CLCN3: variants seen among roughly 807,000 people sequenced by gnomAD.
CLCN3 encodes H(+)/Cl(-) exchange transporter 3.
Under a neutral mutation model 83.4 loss-of-function variants are expected in CLCN3, and 16 were observed. The observed-to-expected ratio is 0.19, with a 90% CI of 0.13 to 0.29. CLCN3 has a LOEUF of 0.29. Ranked by LOEUF, CLCN3 falls within the 10% of genes least tolerant of loss-of-function variation. The pLI is 1.00. For missense variants in CLCN3, 544 were observed against 1,006.0 expected (o/e 0.54, Z 6.21); for synonymous variants, 322 against 346.2 (o/e 0.93, Z 0.78).
intron 12 of CLCN3, among the ~76,000 whole-genome samples, chr4:169,716,001 G>A (rs943389496): frequency 1.3e-5 from 2 of 152,096 alleles, no homozygotes; most frequent in African/African-American, 4.8e-5. Context: ...CTATTTTTGG[G>A]TTGCAGGGAA....
At chr4:169,655,229 A>G (rs1203415111) in intron 2 of CLCN3, among the ~76,000 whole-genome samples, 1 of 152,180 alleles carries the variant, frequency 6.6e-6, no homozygotes, top group Non-Finnish European at 1.5e-5. Flanking sequence ...CTTGAACTGT[A>G]TAGTTGAACT....
At position 169,692,298 on chromosome 4, in the gene CLCN3, C is replaced by T; in HGVS notation, c.914C>T (p.Thr305Ile). 3 of 1,607,002 alleles carry T rather than the reference C, an allele frequency of 1.9e-6. No homozygotes were observed. The highest frequency in any genetic ancestry group is 2.6e-6 in the Non-Finnish European group (3 of 1,174,850). Reference sequence around the variant, plus strand: ...TCCTACCTCTTTCCAAAGTATAGCACAAACGAAGCTAAAAAAAGGGAGGTA... The same window carrying T: ...TCCTACCTCTTTCCAAAGTATAGCATAAACGAAGCTAAAAAAAGGGAGGTA... ...IFSYLFPKYS[T>I]NEAKKREVLS... The change falls in exon 7 of 13, where the codon ACA (threonine) becomes ATA (isoleucine). Residue 305 changes from threonine (T) to isoleucine (I), a missense_variant. Physicochemically the swap from Thr to Ile is moderately conservative, Grantham distance 89. Transcript: ENST00000513761.
At chr4:169,666,742 G>A (rs1230578473) in intron 2 of CLCN3, among the ~76,000 whole-genome samples, 1 of 152,220 alleles carries the variant, frequency 6.6e-6, no homozygotes, top group African/African-American at 2.4e-5. Flanking sequence ...GAATCAAAGT[G>A]CTAGAGTTTG....
intron 1 of CLCN3, among the ~76,000 whole-genome samples, chr4:169,629,561 G>T (rs868633556): frequency 1.4e-4 from 21 of 152,102 alleles, no homozygotes; most frequent in African/African-American, 5.1e-4. Flanking sequence ...AGTAGAGACG[G>T]GGTTTCACCA....
chr4:169,678,161 A>AT (rs752501681), intron 2 of CLCN3, among the ~76,000 whole-genome samples: 43 of 152,350 alleles, frequency 2.8e-4, no homozygotes, highest in Non-Finnish European at 5.4e-4. Context: ...ATTTTACCAG[A>AT]TAAAAATTAC....
At chr4:169,689,543 A>T (rs569960856) in intron 5 of CLCN3, among the ~76,000 whole-genome samples, 1 of 152,366 alleles carries the variant, frequency 6.6e-6, no homozygotes, top group Non-Finnish European at 1.5e-5. Flanking sequence ...ATTAAAACTA[A>T]TATATTACTA....
At position 169,707,047 on chromosome 4, in the gene CLCN3, G is replaced by A. The variant is rs1200318733; in HGVS notation, c.1930G>A (p.Ala644Thr). 1 of 1,614,110 alleles carries A rather than the reference G, an allele frequency of 6.2e-7. No individual in the cohort carries two copies. The highest frequency in any genetic ancestry group is 8.5e-7 in the Non-Finnish European group (1 of 1,179,998). Residue 644 changes from alanine (A) to threonine (T), a missense_variant, in exon 11 of 13, where the codon GCA (alanine) becomes ACA (threonine). Coordinates refer to ENST00000513761, the MANE Select transcript of CLCN3 (RefSeq NM_001829.4). ...ATTAAATGGATACCCTTTCTTGGAT[G>A]CAAAAGAAGAATTCACTCATACCAC... ...IRLNGYPFLD[A>T]KEEFTHTTLA...
At chr4:169,673,678 G>A (rs1365415774) in intron 2 of CLCN3, among the ~76,000 whole-genome samples, 6 of 151,944 alleles carry the variant, frequency 3.9e-5, no homozygotes, top group Non-Finnish European at 8.8e-5. Flanking sequence ...TTTCATAGTA[G>A]GCTTTTTCTT....
At chr4:169,718,267 T>TC (rs1733500884) in intron 12 of CLCN3, among the ~76,000 whole-genome samples, 1 of 152,150 alleles carries the variant, frequency 6.6e-6, no homozygotes, top group African/African-American at 2.4e-5. Flanking sequence ...TTTTTTTTTT[T>TC]TTAAATGTTT....
chr4:169,714,514 G>A (rs1379179327), intron 12 of CLCN3, among the ~76,000 whole-genome samples: 19 of 152,130 alleles, frequency 1.2e-4, no homozygotes, highest in Non-Finnish European at 2.2e-4. Flanking sequence ...CCAAAGTCAT[G>A]TGGTGAACAA....
At chr4:169,661,549 G>A (rs1731058773) in intron 2 of CLCN3, among the ~76,000 whole-genome samples, 1 of 151,902 alleles carries the variant, frequency 6.6e-6, no homozygotes, top group African/African-American at 2.4e-5. Context: ...CTATTTTAGG[G>A]TCTGAACAGT....
intron 1 of CLCN3, among the ~76,000 whole-genome samples, chr4:169,626,674 A>C (rs185581597): frequency 2.4e-4 from 36 of 152,314 alleles, no homozygotes; most frequent in African/African-American, 8.7e-4. Context: ...GTGCCCCAAC[A>C]TTATACAAAA....
chr4:169,680,160 A>G lies in CLCN3; in HGVS notation c.271A>G (p.Ile91Val), dbSNP rs572011033. ...TGGTACATATGATGATTTCCATACT[A>G]TTGATTGGGTGCGAGAAAAATGTAA... Reference protein sequence around the residue: ...GVGTYDDFHTIDWVREKCKDR... With the variant: ...GVGTYDDFHTVDWVREKCKDR... Residue 91 changes from isoleucine (I) to valine (V), a missense_variant, in exon 3 of 13, where the codon ATT (isoleucine) becomes GTT (valine). Ile to Val is a conservative substitution (Grantham distance 29, BLOSUM62 3). Coordinates refer to ENST00000513761, the MANE Select transcript of CLCN3 (RefSeq NM_001829.4). 2 of 1,613,912 alleles carry G rather than the reference A, an allele frequency of 1.2e-6. No individual in the cohort carries two copies. Among genetic ancestry groups the G allele is most frequent in the Admixed American group, 1.7e-5 (1 of 60,014 alleles).
Position 169,686,652 on chromosome 4 carries a change from T to G in CLCN3, c.319-1006T>G, listed in dbSNP as rs182341706. Among the ~76,000 whole-genome samples the G allele has an allele frequency of 3.9e-4, 59 of 152,292 alleles. 1 individual carries two copies. The highest frequency in any genetic ancestry group is 2.9e-3 in the Admixed American group (44 of 15,288). ...GACTGGTCTTGAACTTCTGACCTCG[T>G]GATCCACCTGCTTCGGACTCCCAAA... On this transcript the variant is annotated intron_variant, in intron 3 of 12. Transcript: ENST00000513761.
chr4:169,657,646 G>C (rs1197009202), intron 2 of CLCN3, among the ~76,000 whole-genome samples: 1 of 152,172 alleles, frequency 6.6e-6, no homozygotes, highest in Non-Finnish European at 1.5e-5. Flanking sequence ...CAGAGAGGTT[G>C]TGATTTATCC....
intron 2 of CLCN3, among the ~76,000 whole-genome samples, chr4:169,653,086 A>G (rs1164107302): frequency 2.6e-5 from 4 of 151,842 alleles, no homozygotes; most frequent in Non-Finnish European, 2.9e-5. Flanking sequence ...ATGTGGTCCT[A>G]TGTGTTAATC....
rs372203712 is a variant in CLCN3, at chr4:169,703,985, G to A, written c.1564-13G>A. 461 of 1,613,466 alleles carry A rather than the reference G, an allele frequency of 2.9e-4. No individual in the cohort carries two copies. Among genetic ancestry groups the A allele is most frequent in the Non-Finnish European group, 3.4e-4 (405 of 1,179,482 alleles). ...GGATCTCTGCTCCATAAAGAGTTCT[G>A]TTGTTGTTATAGGTTCCATCAGGCT... On this transcript the variant is annotated splice_polypyrimidine_tract_variant and intron_variant, in intron 9 of 12. Transcript: ENST00000513761.
chr4:169,639,084 C>T (rs772773857), intron 2 of CLCN3, among the ~76,000 whole-genome samples: 13 of 152,110 alleles, frequency 8.5e-5, no homozygotes, highest in Non-Finnish European at 1.3e-4. Context: ...GTCTGGAGTG[C>T]GGTGGTACAA....
At chr4:169,672,995 T>C (rs991637176) in intron 2 of CLCN3, among the ~76,000 whole-genome samples, 9 of 152,158 alleles carry the variant, frequency 5.9e-5, no homozygotes, top group African/African-American at 2.2e-4. Context: ...CTAGGTTTCA[T>C]TCAGAGAATT....
Sources: allele counts gnomAD v4.1 joint callset (sites outside exome capture counted in the v4.1 genomes callset), GRCh38; gene constraint gnomAD v4.1.1; transcripts MANE v1.5; gene names NCBI Gene and HGNC (gene_info 2026-07-23, HGNC 2026-07-21).